The following MACROD2 variants were observed in gnomAD, a reference collection of about 807,000 sequenced individuals.
MACROD2 encodes the protein mono-ADP ribosylhydrolase 2.
In MACROD2, 36 loss-of-function variants were observed where a neutral mutation model predicts 70.4. The ratio of observed to expected loss-of-function variants is 0.51; its 90% CI spans 0.39 to 0.68. The LOEUF (loss-of-function observed/expected upper bound fraction) is 0.68, where lower values mean the gene tolerates loss of function less well. Ranked by LOEUF, MACROD2 falls within the 30% of genes least tolerant of loss-of-function variation. The pLI is 0.00. For missense variants in MACROD2, 496 were observed against 538.4 expected, an observed-to-expected ratio of 0.92 and a Z score of 0.78; for synonymous variants, 172 against 178.8, an observed-to-expected ratio of 0.96 and a Z score of 0.30.
chr20:14,593,387 G>T (rs1981910311), intron 4 of MACROD2, among the ~76,000 whole-genome samples: 1 of 152,100 alleles, frequency 6.6e-6, no homozygotes, highest in Non-Finnish European at 1.5e-5. Context: ...AAACAGTGAG[G>T]TGAGGGAGGG....
intron 8 of MACROD2, among the ~76,000 whole-genome samples, chr20:15,830,175 C>T (rs1338167980): frequency 5.3e-5 from 8 of 152,140 alleles, no homozygotes; most frequent in East Asian, 1.9e-4. Flanking sequence ...ATCATGTCAA[C>T]GCTAAGTGTT....
intron 3 of MACROD2, among the ~76,000 whole-genome samples, chr20:14,168,889 G>T (rs2148722741): frequency 6.6e-6 from 1 of 152,182 alleles, no homozygotes; most frequent in East Asian, 1.9e-4. Flanking sequence ...AACCAGGAAA[G>T]GACATAACAA....
At chr20:15,576,536 G>GT (rs1305955584) in intron 8 of MACROD2, among the ~76,000 whole-genome samples, 1 of 143,820 alleles carries the variant, frequency 7.0e-6, no homozygotes, top group Non-Finnish European at 1.5e-5. Flanking sequence ...GACTAACTTT[G>GT]TTTTCTGCAC....
chr20:15,887,898 A>T (rs2064842297), intron 10 of MACROD2, among the ~76,000 whole-genome samples: 1 of 152,138 alleles, frequency 6.6e-6, no homozygotes, highest in African/African-American at 2.4e-5. Flanking sequence ...TGTTTTACAT[A>T]CACGTTCCAG....
rs28601782 is a variant in MACROD2 at position 15,936,070 on chromosome 20, A to G, written c.839-1406A>G. Among the ~76,000 whole-genome samples, 547 of 152,202 alleles carry G rather than the reference A, an allele frequency of 3.6e-3. 4 individuals are homozygous for G. Among genetic ancestry groups the G allele is most frequent in the African/African-American group, 0.013 (524 of 41,550 alleles). ...ATAAGTGATTTGTGATTTGCTTCCA[A>G]ATATGTGTTAGTTTTCATGCATATA... On this transcript the variant is annotated intron_variant, in intron 11 of 17. Coordinates refer to ENST00000684519, the MANE Select transcript of MACROD2 (RefSeq NM_001351661.2).
chr20:15,939,860 C>A (rs1183717377), intron 12 of MACROD2, among the ~76,000 whole-genome samples: 1 of 151,952 alleles, frequency 6.6e-6, no homozygotes, highest in East Asian at 1.9e-4. Flanking sequence ...AAGGTGATTC[C>A]AACCCTCATG....
intron 5 of MACROD2, among the ~76,000 whole-genome samples, chr20:15,153,296 T>A (rs1251923908): frequency 6.6e-6 from 1 of 151,532 alleles, no homozygotes; most frequent in African/African-American, 2.4e-5. Context: ...AGGATTTGGG[T>A]AGGTAAATGA....
At chr20:14,176,304 A>G (rs916846518) in intron 3 of MACROD2, among the ~76,000 whole-genome samples, 3 of 152,254 alleles carry the variant, frequency 2.0e-5, no homozygotes, top group Non-Finnish European at 1.5e-5. Flanking sequence ...CACATGTAAC[A>G]GATGGCATAA....
At chr20:15,317,132 G>T (rs535900408) in intron 6 of MACROD2, among the ~76,000 whole-genome samples, 1 of 152,110 alleles carries the variant, frequency 6.6e-6, no homozygotes, top group African/African-American at 2.4e-5. Context: ...ATCCAATTTT[G>T]CACTTTAAGA....
At chr20:15,013,924 AATC>A (rs1236409917) in intron 5 of MACROD2, among the ~76,000 whole-genome samples, 1 of 152,196 alleles carries the variant, frequency 6.6e-6, no homozygotes, top group East Asian at 1.9e-4. Flanking sequence ...AGATGATGCA[AATC>A]ATCACATTTC....
At chr20:15,504,478 A>G (rs1322985050) in intron 8 of MACROD2, among the ~76,000 whole-genome samples, 2 of 152,250 alleles carry the variant, frequency 1.3e-5, no homozygotes, top group Non-Finnish European at 2.9e-5. Context: ...TAAAAAAACA[A>G]AAAAGAATAT....
At chr20:15,466,233 A>C (rs983385669) in intron 7 of MACROD2, among the ~76,000 whole-genome samples, 1 of 152,142 alleles carries the variant, frequency 6.6e-6, no homozygotes, top group African/African-American at 2.4e-5. Context: ...TCTTTCATTC[A>C]TTCCATAACC....
intron 5 of MACROD2, among the ~76,000 whole-genome samples, chr20:14,895,748 C>T (rs1398349241): frequency 6.6e-6 from 1 of 151,894 alleles, no homozygotes; most frequent in African/African-American, 2.4e-5. Flanking sequence ...TATTATCATC[C>T]ATTAAATGTG....
chr20:14,157,835 A>C (rs539200162), intron 3 of MACROD2, among the ~76,000 whole-genome samples: 4 of 152,288 alleles, frequency 2.6e-5, no homozygotes, highest in African/African-American at 9.6e-5. Context: ...ATTGATGGAC[A>C]CTTAGGTTGA....
At chr20:14,399,362 T>TG (rs1568595107) in intron 3 of MACROD2, among the ~76,000 whole-genome samples, 1 of 152,152 alleles carries the variant, frequency 6.6e-6, no homozygotes, top group Admixed American at 6.5e-5. Flanking sequence ...AACGTCTATG[T>TG]TGACAGGAGT....
chr20:15,891,825 G>A (rs1194588489), intron 10 of MACROD2, among the ~76,000 whole-genome samples: 1 of 152,130 alleles, frequency 6.6e-6, no homozygotes, highest in Non-Finnish European at 1.5e-5. Context: ...AATGCCTGAT[G>A]AGGTCCTTTA....
chr20:14,928,774 C>A (rs564449162), intron 5 of MACROD2, among the ~76,000 whole-genome samples: 1 of 152,312 alleles, frequency 6.6e-6, no homozygotes, highest in Admixed American at 6.5e-5. Flanking sequence ...CAACCCACAT[C>A]TTCTCAAATT....
intron 3 of MACROD2, among the ~76,000 whole-genome samples, chr20:14,174,074 A>G (rs1437791628): frequency 6.6e-6 from 1 of 151,968 alleles, no homozygotes; most frequent in Non-Finnish European, 1.5e-5. Context: ...GTTTTTGTGA[A>G]GTGTACTGGT....
At chr20:15,038,508 G>A (rs1025363671) in intron 5 of MACROD2, among the ~76,000 whole-genome samples, 2 of 152,130 alleles carry the variant, frequency 1.3e-5, no homozygotes, top group African/African-American at 4.8e-5. Flanking sequence ...ATTGGTTGTG[G>A]CCAAGAAATT....
Sources: gnomAD v4.1 joint callset for allele counts (sites outside exome capture counted in the v4.1 genomes callset) on GRCh38, gnomAD v4.1.1 for gene constraint, MANE v1.5 for transcripts, NCBI Gene and HGNC (gene_info 2026-07-23, HGNC 2026-07-21) for gene names.